C12orf54: variants seen among roughly 807,000 people sequenced by gnomAD.
The protein encoded by C12orf54 is uncharacterized protein C12orf54.
C12orf54 carries 24 observed loss-of-function variants against 26.4 expected under a neutral mutation model. The observed-to-expected ratio is 0.91, with a 90% CI of 0.66 to 1.28. The LOEUF is 1.28. Ranked by LOEUF, C12orf54 falls within the 50% of genes most tolerant of loss-of-function variation. The pLI is 0.00. For synonymous variants in C12orf54, 54 were observed against 47.0 expected (o/e 1.15, Z -0.61); for missense variants, 154 against 150.9 (o/e 1.02, Z -0.11).
At chr12:48,463,252 A>G in the C12orf54 span, among the ~76,000 whole-genome samples, 120 of 152,078 alleles carry the variant, frequency 7.9e-4, 2 homozygotes, top group African/African-American at 2.6e-3. Flanking sequence ...ATTACTGCTG[A>G]CCCCATAGAA....
At chr12:48,413,382 C>A in the C12orf54 span, among the ~76,000 whole-genome samples, 2 of 152,200 alleles carry the variant, frequency 1.3e-5, no homozygotes, top group African/African-American at 2.4e-5. Flanking sequence ...TTTGCCTGCC[C>A]TCTGTCTAGC....
the C12orf54 span, among the ~76,000 whole-genome samples, chr12:48,460,102 G>A: frequency 1.3e-5 from 2 of 152,078 alleles, no homozygotes; most frequent in Non-Finnish European, 2.9e-5. Context: ...TATCTTCCAG[G>A]AGCAATCCAA....
At chr12:48,439,663 C>T in the C12orf54 span, among the ~76,000 whole-genome samples, 9 of 152,010 alleles carry the variant, frequency 5.9e-5, no homozygotes, top group East Asian at 1.9e-4. Context: ...AACCAAACAC[C>T]GCATGTTCTC....
At chr12:48,463,753 C>G in the C12orf54 span, among the ~76,000 whole-genome samples, 1 of 152,082 alleles carries the variant, frequency 6.6e-6, no homozygotes, top group Non-Finnish European at 1.5e-5. Flanking sequence ...GGCTTCATCC[C>G]TGAGATACAA....
At chr12:48,456,576 C>T in the C12orf54 span, among the ~76,000 whole-genome samples, 1 of 152,134 alleles carries the variant, frequency 6.6e-6, no homozygotes, top group African/African-American at 2.4e-5. Context: ...CTGCTCCTCG[C>T]CTGCCGTGAC....
the C12orf54 span, among the ~76,000 whole-genome samples, chr12:48,457,267 GTT>G: frequency 3.7e-5 from 5 of 135,664 alleles, no homozygotes; most frequent in African/African-American, 7.6e-5. Flanking sequence ...GCAACAAGCA[GTT>G]TTTTGTTGTT....
the C12orf54 span, among the ~76,000 whole-genome samples, chr12:48,421,512 C>CTTTTTT: frequency 6.9e-5 from 3 of 43,476 alleles, no homozygotes; most frequent in Non-Finnish European, 8.3e-5. Flanking sequence ...ATATCATGTG[C>CTTTTTT]TTTTTTTTTT....
At chr12:48,461,757 G>T in the C12orf54 span, among the ~76,000 whole-genome samples, 4 of 151,692 alleles carry the variant, frequency 2.6e-5, no homozygotes, top group Non-Finnish European at 5.9e-5. Context: ...CAATTTAGAG[G>T]GAAATGTATA....
the C12orf54 span, among the ~76,000 whole-genome samples, chr12:48,462,930 C>A: frequency 6.6e-6 from 1 of 151,708 alleles, no homozygotes; most frequent in Non-Finnish European, 1.5e-5. Context: ...AAAAGCCTTC[C>A]AGACTGGAAA....
the C12orf54 span, among the ~76,000 whole-genome samples, chr12:48,436,671 A>T: frequency 6.6e-6 from 1 of 152,226 alleles, no homozygotes; most frequent in Admixed American, 6.5e-5. Flanking sequence ...TACATAACGA[A>T]ATCAAGGCAG....
At chr12:48,450,327 C>A in the C12orf54 span, among the ~76,000 whole-genome samples, 7 of 152,110 alleles carry the variant, frequency 4.6e-5, no homozygotes, top group African/African-American at 1.7e-4. Flanking sequence ...TGGGATGCAG[C>A]TAAAGCAGTG....
the C12orf54 span, among the ~76,000 whole-genome samples, chr12:48,419,593 G>T: frequency 6.6e-6 from 1 of 152,276 alleles, no homozygotes; most frequent in South Asian, 2.1e-4. Context: ...AGATGATGGG[G>T]GGTAGGAGAG....
At chr12:48,442,752 A>C in the C12orf54 span, 34 of 158,954 alleles carry the variant, frequency 2.1e-4, no homozygotes, top group Non-Finnish European at 8.4e-5. Context: ...AGATCCAAGA[A>C]GGACAATTGT....
At chr12:48,472,490 G>A in the C12orf54 span, among the ~76,000 whole-genome samples, 4 of 152,234 alleles carry the variant, frequency 2.6e-5, no homozygotes, top group Non-Finnish European at 4.4e-5. Context: ...CTGGGTGAAT[G>A]ATAGCACAAT....
At chr12:48,455,354 G>T in the C12orf54 span, among the ~76,000 whole-genome samples, 4 of 152,134 alleles carry the variant, frequency 2.6e-5, no homozygotes, top group Non-Finnish European at 5.9e-5. Flanking sequence ...CTGTTAATGG[G>T]CATCTAGGTT....
chr12:48,485,622 G>T (rs1304723437), intron 2 of C12orf54, among the ~76,000 whole-genome samples: 1 of 152,036 alleles, frequency 6.6e-6, no homozygotes, highest in Non-Finnish European at 1.5e-5. Flanking sequence ...TGCCTCCTAG[G>T]TGACTTTGGC....
chr12:48,486,456 G>C, intron 3 of C12orf54: 1 of 623,744 alleles, frequency 1.6e-6, no homozygotes, highest in Non-Finnish European at 2.9e-6. Flanking sequence ...AAACAAATGA[G>C]TCTGTTTGTA....
the C12orf54 span, among the ~76,000 whole-genome samples, chr12:48,433,713 C>T: frequency 3.3e-5 from 5 of 152,166 alleles, no homozygotes; most frequent in Admixed American, 2.6e-4. Flanking sequence ...TCCCAAAGTA[C>T]TGGAATTACA....
At chr12:48,479,238 C>T (rs1954174533), upstream of C12orf54, among the ~76,000 whole-genome samples, 1 of 152,134 alleles carries the variant, frequency 6.6e-6, no homozygotes. Flanking sequence ...AGGAAACCAT[C>T]ATTCTCAGCA....
Sources: allele counts gnomAD v4.1 joint callset (sites outside exome capture counted in the v4.1 genomes callset), GRCh38; gene constraint gnomAD v4.1.1; transcripts MANE v1.5; gene names NCBI Gene and HGNC (gene_info 2026-07-23, HGNC 2026-07-21).